Variants in SHTN1 observed in about 807,000 individuals in gnomAD.
SHTN1 encodes the protein shootin-1.
A neutral mutation model predicts 83.1 loss-of-function variants in SHTN1; 42 were observed. The observed-to-expected ratio is 0.51, with a 90% CI of 0.39 to 0.65. The LOEUF (loss-of-function observed/expected upper bound fraction) is 0.65, where lower values mean the gene tolerates loss of function less well. Ranked by LOEUF, SHTN1 falls within the 30% of genes least tolerant of loss-of-function variation. The probability of loss-of-function intolerance (pLI) is 0.00; values close to 1 mark genes in which losing one functional copy is unlikely to be tolerated. For missense variants in SHTN1, 622 were observed against 737.8 expected, an observed-to-expected ratio of 0.84 and a Z score of 1.82; for synonymous variants, 224 against 247.7, an observed-to-expected ratio of 0.90 and a Z score of 0.90.
intron 1 of SHTN1, among the ~76,000 whole-genome samples, chr10:117,093,829 G>C (rs1191442684): frequency 1.3e-5 from 2 of 152,152 alleles, no homozygotes; most frequent in African/African-American, 4.8e-5. Context: ...TCAGCAATAT[G>C]ATTTTCTATA....
rs541389131 is a variant in SHTN1, at chr10:116,885,765, G to A, written c.*579C>T. 70 of 152,670 alleles carry A rather than the reference G, an allele frequency of 4.6e-4. 2 individuals carry two copies. In the South Asian group the frequency reaches 0.014, roughly 31 times the overall value. 9.5% of individuals were successfully genotyped at this position (152,670 alleles called of 1,614,324 possible). On this transcript the variant is annotated 3_prime_UTR_variant, in exon 17 of 17. Transcript: ENST00000355371. ...TATTTTTCATCCAATAGTTAACAATGTGTGTAATTAACACTGACTATGGGA... is the reference window on the plus strand; with the variant it reads ...TATTTTTCATCCAATAGTTAACAATATGTGTAATTAACACTGACTATGGGA...
At chr10:117,084,653 G>A (rs922857494) in intron 1 of SHTN1, among the ~76,000 whole-genome samples, 6 of 151,988 alleles carry the variant, frequency 3.9e-5, no homozygotes, top group Admixed American at 2.0e-4. Flanking sequence ...CCGCCTTGCA[G>A]TTTGATCTCA....
intron 1 of SHTN1, among the ~76,000 whole-genome samples, chr10:117,103,000 A>G (rs1385578424): frequency 1.3e-5 from 2 of 152,142 alleles, no homozygotes; most frequent in Admixed American, 6.5e-5. Context: ...CTGCCTCCTC[A>G]ATGCCATTTT....
At chr10:116,949,867 T>TA (rs1044839524) in intron 6 of SHTN1, among the ~76,000 whole-genome samples, 9 of 151,790 alleles carry the variant, frequency 5.9e-5, no homozygotes, top group African/African-American at 1.9e-4. Flanking sequence ...AAAGTTTTTT[T>TA]AAAAAAAAAG....
chr10:117,105,240 C>A (rs1003170730), intron 1 of SHTN1, among the ~76,000 whole-genome samples: 1 of 152,142 alleles, frequency 6.6e-6, no homozygotes, highest in African/African-American at 2.4e-5. Context: ...ACTTCAGAAG[C>A]CTCAACAGCA....
intron 11 of SHTN1, among the ~76,000 whole-genome samples, chr10:116,927,286 T>C (rs956363198): frequency 6.0e-4 from 92 of 152,212 alleles, no homozygotes; most frequent in African/African-American, 2.2e-3. Flanking sequence ...TGAATGAAAT[T>C]TGTATACTAC....
intron 1 of SHTN1, among the ~76,000 whole-genome samples, chr10:117,085,021 T>C (rs957469011): frequency 2.0e-5 from 3 of 152,210 alleles, no homozygotes; most frequent in Middle Eastern, 3.4e-3. Flanking sequence ...CTGGGAGCTG[T>C]AGACCAGAGC....
At chr10:117,047,711 A>C (rs531537629) in intron 2 of SHTN1, among the ~76,000 whole-genome samples, 1 of 152,012 alleles carries the variant, frequency 6.6e-6, no homozygotes, top group South Asian at 2.1e-4. Context: ...GTATGCAGGG[A>C]AAGAAAACTC....
upstream of SHTN1, chr10:117,005,591 C>T (rs1039685098): frequency 2.0e-6 from 2 of 990,986 alleles, no homozygotes; most frequent in African/African-American, 3.5e-5. Flanking sequence ...CCATGAACGC[C>T]TGGGCTTCTT....
At chr10:117,084,891 C>A (rs1018119928) in intron 1 of SHTN1, among the ~76,000 whole-genome samples, 9 of 152,086 alleles carry the variant, frequency 5.9e-5, no homozygotes, top group Non-Finnish European at 1.0e-4. Flanking sequence ...CGCCCTGCTT[C>A]GGCTCGCGCA....
At chr10:116,999,294 C>T (rs559742835) in intron 1 of SHTN1, among the ~76,000 whole-genome samples, 5 of 152,172 alleles carry the variant, frequency 3.3e-5, no homozygotes, top group Non-Finnish European at 5.9e-5. Context: ...ATGATAAATA[C>T]ATATGCACAT....
chr10:116,911,274 A>G lies in SHTN1; in HGVS notation c.1359+516T>C, dbSNP rs940284072. Among the ~76,000 whole-genome samples the G allele has an allele frequency of 2.0e-5, 3 of 152,200 alleles. No individual in the cohort carries two copies. The East Asian group carries it at 5.8e-4, about 29-fold the overall frequency. On this transcript the variant is annotated intron_variant, in intron 14 of 16. Coordinates refer to ENST00000355371, the MANE Select transcript of SHTN1 (RefSeq NM_001127211.3). ...TATGCTCTCCAACTGTCAGAAAATAAAACTAGTAACATAAAAAAAGGGCCT... is the reference window on the plus strand; with the variant it reads ...TATGCTCTCCAACTGTCAGAAAATAGAACTAGTAACATAAAAAAAGGGCCT...
chr10:116,975,039 G>A (rs898640433), intron 2 of SHTN1, among the ~76,000 whole-genome samples: 5 of 152,226 alleles, frequency 3.3e-5, no homozygotes, highest in African/African-American at 9.6e-5. Context: ...GTTCACCTCA[G>A]TATGATAGGC....
chr10:117,102,679 A>G (rs1232425454), intron 1 of SHTN1, among the ~76,000 whole-genome samples: 1 of 152,084 alleles, frequency 6.6e-6, no homozygotes, highest in Admixed American at 6.6e-5. Flanking sequence ...TTAAGAGTCC[A>G]AGCAGGAAAG....
intron 1 of SHTN1, among the ~76,000 whole-genome samples, chr10:117,075,697 C>T (rs972712575): frequency 1.3e-5 from 2 of 151,762 alleles, no homozygotes; most frequent in Non-Finnish European, 2.9e-5. Flanking sequence ...TCAACTAGGA[C>T]CTGAAGGAAG....
At chr10:117,005,489 T>C, upstream of SHTN1, 8 of 1,021,746 alleles carry the variant, frequency 7.8e-6, no homozygotes, top group African/African-American at 1.7e-5. Context: ...GAAAACCGGC[T>C]GTGGGTTCGC....
intron 12 of SHTN1, among the ~76,000 whole-genome samples, chr10:116,916,189 A>T (rs1033304515): frequency 3.9e-5 from 6 of 152,176 alleles, no homozygotes; most frequent in East Asian, 1.9e-4. Context: ...TGCTGCAAAA[A>T]AAATAAATAA....
intron 1 of SHTN1, among the ~76,000 whole-genome samples, chr10:117,065,333 A>G (rs1363847234): frequency 6.6e-6 from 1 of 152,182 alleles, no homozygotes; most frequent in Non-Finnish European, 1.5e-5. Context: ...TTAAAAAACA[A>G]GAAAAGAAAA....
intron 1 of SHTN1, among the ~76,000 whole-genome samples, chr10:117,088,117 T>C (rs1163803670): frequency 2.0e-5 from 3 of 152,178 alleles, no homozygotes; most frequent in Non-Finnish European, 1.5e-5. Context: ...GTAACTAATA[T>C]ATTAAAGAAC....
Sources: allele counts gnomAD v4.1 joint callset (sites outside exome capture counted in the v4.1 genomes callset), GRCh38; gene constraint gnomAD v4.1.1; transcripts MANE v1.5; gene names NCBI Gene and HGNC (gene_info 2026-07-23, HGNC 2026-07-21).